Variants in C11orf65 observed in about 807,000 individuals in gnomAD.
C11orf65 encodes protein MFI.
A neutral mutation model predicts 35.3 loss-of-function variants in C11orf65; 38 were observed. The ratio of observed to expected loss-of-function variants is 1.08; its 90% CI spans 0.83 to 1.41. The LOEUF is 1.41. Among genes scored for constraint, C11orf65 ranks in the 40% most tolerant of loss-of-function variants. The pLI is 0.00. For missense variants in C11orf65, 370 were observed against 367.1 expected (o/e 1.01, Z -0.06); for synonymous variants, 105 against 114.4 (o/e 0.92, Z 0.53).
At chr11:108,442,680 T>C (rs1008560171) in intron 2 of C11orf65, among the ~76,000 whole-genome samples, 5 of 152,150 alleles carry the variant, frequency 3.3e-5, no homozygotes, top group African/African-American at 1.2e-4. Context: ...TCAACATTCT[T>C]AAAGAAAAGA....
chr11:108,452,331 C>G (rs1316907464), intron 2 of C11orf65, among the ~76,000 whole-genome samples: 1 of 152,140 alleles, frequency 6.6e-6, no homozygotes, highest in Non-Finnish European at 1.5e-5. Flanking sequence ...ACCACCCCAT[C>G]AAAAAGTGGG....
intron 6 of C11orf65, among the ~76,000 whole-genome samples, chr11:108,312,953 C>G (rs1352079198): frequency 6.6e-6 from 1 of 152,146 alleles, no homozygotes; most frequent in Non-Finnish European, 1.5e-5. Flanking sequence ...CAACTCATTC[C>G]TCCACAATGA....
At chr11:108,334,077 A>T in intron 3 of C11orf65, 5 of 826,000 alleles carry the variant, frequency 6.1e-6, no homozygotes, top group Non-Finnish European at 8.1e-6. Flanking sequence ...ATATTGGCAA[A>T]TTTCATATGT....
At chr11:108,346,567 C>T (rs1194966058) in intron 2 of C11orf65, 1 of 151,848 alleles carries the variant, frequency 6.6e-6, no homozygotes, top group Non-Finnish European at 1.5e-5. Flanking sequence ...GAAGGCAGGG[C>T]ATGTATGTTT....
At chr11:108,397,997 A>G (rs888754192) in intron 6 of C11orf65, among the ~76,000 whole-genome samples, 5 of 152,208 alleles carry the variant, frequency 3.3e-5, no homozygotes, top group Admixed American at 6.5e-5. Context: ...GTGTCTAGGT[A>G]TGTAAGGGAA....
chr11:108,364,867 C>G (rs374664871), intron 2 of C11orf65, among the ~76,000 whole-genome samples: 11 of 152,136 alleles, frequency 7.2e-5, no homozygotes, highest in African/African-American at 2.4e-4. Context: ...CACCCCTAAC[C>G]ATGGAGGAAG....
intron 2 of C11orf65, chr11:108,365,559 A>G (rs2137936075): frequency 1.3e-6 from 2 of 1,579,540 alleles, no homozygotes; most frequent in Non-Finnish European, 1.7e-6. Context: ...ATTATATTTT[A>G]GCCTTTATTT....
rs759655842 is a variant in C11orf65, at chr11:108,345,828, G to A, written c.227-10536C>T. On this transcript the variant is annotated intron_variant, in intron 2 of 3. Coordinates refer to the C11orf65 transcript ENST00000524755. ...TTTCAACCAGTTTTCCGTTACTTCTGCATGGAAAAATTCTTGGATCCAGCT... is the reference window on the plus strand; with the variant it reads ...TTTCAACCAGTTTTCCGTTACTTCTACATGGAAAAATTCTTGGATCCAGCT... The A allele has an allele frequency of 6.2e-7, 1 of 1,613,830 alleles. No homozygotes were observed. Among genetic ancestry groups the A allele is most frequent in the East Asian group, 2.2e-5 (1 of 44,840 alleles).
At chr11:108,366,685 A>G (rs918021286) in intron 2 of C11orf65, 9 of 231,386 alleles carry the variant, frequency 3.9e-5, no homozygotes, top group Admixed American at 2.3e-4. Flanking sequence ...GAAGTGTAGC[A>G]TAAATACTGA....
intron 2 of C11orf65, among the ~76,000 whole-genome samples, chr11:108,350,493 C>T (rs1398966382): frequency 1.3e-5 from 2 of 152,158 alleles, no homozygotes; most frequent in East Asian, 1.9e-4. Context: ...GAGTACAACC[C>T]ATATGAGTGG....
chr11:108,321,525 G>A (rs938906051), intron 6 of C11orf65: 63 of 1,523,124 alleles, frequency 4.1e-5, no homozygotes, highest in Non-Finnish European at 5.4e-5. Flanking sequence ...GCTCATGCCT[G>A]TAATCCTAGC....
chr11:108,440,995 A>C (rs1050942912), intron 2 of C11orf65, among the ~76,000 whole-genome samples: 2 of 152,054 alleles, frequency 1.3e-5, no homozygotes, highest in African/African-American at 4.8e-5. Context: ...GTGCAGCCCA[A>C]GGAGCATGAG....
In C11orf65 at chr11:108,332,903, A is replaced by G. The variant is rs772572722; in HGVS notation, c.300-1336T>C. 6.2e-7 allele frequency: 1 copy of G among 1,611,468 alleles called. No individual in the cohort carries two copies. The highest frequency in any genetic ancestry group is 8.5e-7 in the Non-Finnish European group (1 of 1,179,338). On this transcript the variant is annotated intron_variant, in intron 3 of 3. Coordinates refer to the C11orf65 transcript ENST00000524755. ...CACTCAGTGGAAGACTCAGAGAAGTATGTTTTTTTTAAAGAAGAAACGTTA... is the reference window on the plus strand; with the variant it reads ...CACTCAGTGGAAGACTCAGAGAAGTGTGTTTTTTTTAAAGAAGAAACGTTA...
intron 2 of C11orf65, chr11:108,366,540 T>C (rs2091342093): frequency 4.4e-6 from 1 of 229,376 alleles, no homozygotes; most frequent in Middle Eastern, 1.3e-3. Flanking sequence ...TTTGTCTTTT[T>C]GAAAAGTGAG....
Position 108,405,066 on chromosome 11 carries a change from T to C in C11orf65, c.560+363A>G, listed in dbSNP as rs75983925. On this transcript the variant is annotated intron_variant, in intron 6 of 8. Transcript: ENST00000393084. ...GTTAGCTTGTTTACTCATGCGGTCTTAAGACAAGCCTTTGATGTGTGCTTT... is the reference window on the plus strand; with the variant it reads ...GTTAGCTTGTTTACTCATGCGGTCTCAAGACAAGCCTTTGATGTGTGCTTT... Among the ~76,000 whole-genome samples the C allele has an allele frequency of 1.2e-4, 18 of 152,336 alleles. No homozygotes were observed. The East Asian group carries it at 3.5e-3, about 29-fold the overall frequency.
downstream of C11orf65, among the ~76,000 whole-genome samples, chr11:108,327,181 G>T (rs557653836): frequency 1.3e-5 from 2 of 152,236 alleles, no homozygotes; most frequent in South Asian, 2.1e-4. Flanking sequence ...TCTGTTATTA[G>T]AGAAATCATT....
rs575744224 is a variant in C11orf65 at position 108,413,289 on chromosome 11, C to A, written c.175-6140G>T. On this transcript the variant is annotated intron_variant, in intron 3 of 8. Coordinates refer to ENST00000393084, the MANE Select transcript of C11orf65 (RefSeq NM_152587.5). ...CAGGGCTTTTAGAGTATCCATCACC[C>A]AATTAATGTACATTGTATCCATTAA... Among the ~76,000 whole-genome samples the A allele has an allele frequency of 2.9e-4, 44 of 152,274 alleles. 1 individual carries two copies. The highest frequency in any genetic ancestry group is 9.4e-4 in the African/African-American group (39 of 41,554).
intron 7 of C11orf65, among the ~76,000 whole-genome samples, chr11:108,387,900 G>A (rs1026402233): frequency 5.3e-5 from 8 of 152,128 alleles, no homozygotes; most frequent in African/African-American, 1.9e-4. Flanking sequence ...CTACCCCTTG[G>A]TGCTCTGCGA....
chr11:108,417,701 G>A (rs966258606), intron 3 of C11orf65, among the ~76,000 whole-genome samples: 1 of 151,816 alleles, frequency 6.6e-6, no homozygotes, highest in Admixed American at 6.6e-5. Flanking sequence ...ACTCATAATG[G>A]GAGTTGAACA....
Sources: allele counts gnomAD v4.1 joint callset (sites outside exome capture counted in the v4.1 genomes callset), GRCh38; gene constraint gnomAD v4.1.1; transcripts MANE v1.5; gene names NCBI Gene and HGNC (gene_info 2026-07-23, HGNC 2026-07-21).